Variants in SCAI observed in about 807,000 individuals in gnomAD.
SCAI encodes protein SCAI.
A neutral mutation model predicts 92.2 loss-of-function variants in SCAI; 24 were observed. That is an observed-to-expected ratio of 0.26 (90% CI 0.19 to 0.37). The LOEUF (loss-of-function observed/expected upper bound fraction) is 0.37. Among genes scored for constraint, SCAI ranks in the 10% least tolerant of loss-of-function variants. SCAI has a pLI of 1.00. For missense variants in SCAI, 450 were observed against 736.2 expected, an observed-to-expected ratio of 0.61 and a Z score of 4.50; for synonymous variants, 261 against 258.6, an observed-to-expected ratio of 1.01 and a Z score of -0.09.
rs1411189271 is a variant in SCAI at position 125,115,390 on chromosome 9, A to AAC, written c.98+27242_98+27243insGT. ...CTCCTCAAAAAAAAAAAAAAAAAAA[A>AAC]AAAACTCTTGAAGCACATGTACACC... On this transcript the variant is annotated intron_variant, in intron 2 of 17. Transcript: ENST00000336505. 3.3e-5 allele frequency among the ~76,000 whole-genome samples: 5 copies of AAC among 151,484 alleles called. No individual in the cohort carries two copies. In the East Asian group the frequency reaches 9.7e-4, roughly 29 times the overall value.
At chr9:125,093,130 G>A (rs780310653) in intron 2 of SCAI, among the ~76,000 whole-genome samples, 2 of 152,202 alleles carry the variant, frequency 1.3e-5, no homozygotes, top group Non-Finnish European at 1.5e-5. Context: ...GGAGGCCAAG[G>A]TGGGTGGATC....
chr9:124,978,503 T>C (rs1002401574), intron 14 of SCAI, among the ~76,000 whole-genome samples: 1 of 152,214 alleles, frequency 6.6e-6, no homozygotes, highest in Non-Finnish European at 1.5e-5. Flanking sequence ...TATACACTGT[T>C]GGCAAGAATG....
At position 124,945,570 on chromosome 9, in the gene SCAI, T is replaced by G. The variant is rs1306553775; in HGVS notation, c.*7237A>C. The G allele has an allele frequency of 6.6e-6, 1 of 152,054 alleles. No individual in the cohort carries two copies. Among genetic ancestry groups the G allele is most frequent in the African/African-American group, 2.4e-5 (1 of 41,404 alleles). The allele number at this position is 152,054 out of a possible 1,614,324, so 9.4% of individuals were successfully genotyped here. A position where few individuals can be genotyped will look rare whatever the true frequency, so the allele number is the denominator to read the frequency against. On this transcript the variant is annotated 3_prime_UTR_variant, in exon 18 of 18. Coordinates refer to ENST00000336505, the MANE Select transcript of SCAI (RefSeq NM_001144877.3). ...CTCCATCTCAAAAAAAAAAAAATTA[T>G]TAATTTTTAAAACCACAAAAGAAAT...
intron 14 of SCAI, among the ~76,000 whole-genome samples, chr9:124,992,783 A>C (rs1193511803): frequency 6.6e-6 from 1 of 152,168 alleles, no homozygotes; most frequent in East Asian, 1.9e-4. Flanking sequence ...CAACAACAAA[A>C]GACTTGCTAT....
At chr9:125,109,693 G>T (rs149448600) in intron 2 of SCAI, among the ~76,000 whole-genome samples, 8 of 105,044 alleles carry the variant, frequency 7.6e-5, no homozygotes, top group African/African-American at 2.9e-4. Context: ...ATCTATCTAT[G>T]TATTTATTTT....
chr9:125,114,407 A>C (rs1313239889), intron 2 of SCAI, among the ~76,000 whole-genome samples: 4 of 152,194 alleles, frequency 2.6e-5, no homozygotes, highest in Non-Finnish European at 5.9e-5. Context: ...TTCCTTAAAA[A>C]AAAATTATAC....
chr9:125,007,270 A>G (rs879300549), intron 9 of SCAI, among the ~76,000 whole-genome samples: 2 of 152,258 alleles, frequency 1.3e-5, no homozygotes, highest in African/African-American at 4.8e-5. Context: ...TGTAGTTAGC[A>G]TAACTAGAGA....
At chr9:124,984,350 T>C (rs991859787) in intron 14 of SCAI, among the ~76,000 whole-genome samples, 3 of 152,184 alleles carry the variant, frequency 2.0e-5, no homozygotes, top group African/African-American at 7.2e-5. Flanking sequence ...CTGAGTGAGA[T>C]GACAGGCCAT....
At chr9:125,101,307 C>T (rs1016679367) in intron 2 of SCAI, among the ~76,000 whole-genome samples, 2 of 152,114 alleles carry the variant, frequency 1.3e-5, no homozygotes, top group African/African-American at 4.8e-5. Flanking sequence ...GAGACAAGAA[C>T]GGAAGCAGGG....
chr9:125,066,656 T>C (rs1311906647), intron 2 of SCAI, among the ~76,000 whole-genome samples: 2 of 151,956 alleles, frequency 1.3e-5, no homozygotes, highest in Non-Finnish European at 2.9e-5. Context: ...GGGGTTTCAC[T>C]GTTAGCCAGG....
intron 17 of SCAI, among the ~76,000 whole-genome samples, chr9:124,956,499 G>A (rs866292952): frequency 1.2e-4 from 18 of 152,010 alleles, no homozygotes; most frequent in African/African-American, 3.4e-4. Context: ...GATTACAGGC[G>A]TGAGCCACCG....
At chr9:125,033,561 T>C (rs141992938) in intron 3 of SCAI, among the ~76,000 whole-genome samples, 17 of 152,308 alleles carry the variant, frequency 1.1e-4, no homozygotes, top group Admixed American at 7.2e-4. Context: ...GGTCTTTCTA[T>C]GTAGGTTTAT....
At chr9:125,128,668 G>A (rs1835329607) in intron 2 of SCAI, among the ~76,000 whole-genome samples, 1 of 151,812 alleles carries the variant, frequency 6.6e-6, no homozygotes, top group African/African-American at 2.4e-5. Context: ...CAGGAGAATA[G>A]CATGAACCCA....
At chr9:125,111,098 A>T (rs1042870478) in intron 2 of SCAI, among the ~76,000 whole-genome samples, 3 of 152,202 alleles carry the variant, frequency 2.0e-5, no homozygotes, top group African/African-American at 7.2e-5. Flanking sequence ...TACAAAATAT[A>T]GATGTAAAAA....
intron 2 of SCAI, among the ~76,000 whole-genome samples, chr9:125,127,777 G>A (rs576311018): frequency 2.0e-5 from 3 of 152,288 alleles, no homozygotes; most frequent in South Asian, 2.1e-4. Flanking sequence ...GGAGGCAGAG[G>A]TGGGTGGATC....
At chr9:124,985,204 G>A (rs151134139) in intron 14 of SCAI, among the ~76,000 whole-genome samples, 267 of 152,270 alleles carry the variant, frequency 1.8e-3, no homozygotes, top group Middle Eastern at 0.017. Context: ...AACCAAACTT[G>A]ACACTTCCTC....
chr9:124,958,791 C>T (rs1831372425), intron 17 of SCAI, among the ~76,000 whole-genome samples: 1 of 151,444 alleles, frequency 6.6e-6, no homozygotes, highest in African/African-American at 2.4e-5. Context: ...CCTGTAATAC[C>T]AGCTACTCGG....
chr9:125,121,607 T>C (rs1835156475), intron 2 of SCAI, among the ~76,000 whole-genome samples: 1 of 152,040 alleles, frequency 6.6e-6, no homozygotes, highest in African/African-American at 2.4e-5. Context: ...TCCCAGCACT[T>C]TGAGAGGCCA....
In SCAI at chr9:124,951,077, A is replaced by T. The variant is rs1048586989; in HGVS notation, c.*1730T>A. The stretch of plus-strand genomic sequence containing the variant: ...TGTCTCTTAAAAAAAAAAAAAAAAA[A>T]AAGTAAAATACTCCCCAAGTCCCCA... On this transcript the variant is annotated 3_prime_UTR_variant, in exon 18 of 18. Transcript: ENST00000336505. 1 of 150,518 alleles carries T rather than the reference A, an allele frequency of 6.6e-6. No homozygotes were observed. The highest frequency in any genetic ancestry group is 2.5e-5 in the African/African-American group (1 of 40,278). 9.3% of individuals were successfully genotyped at this position (150,518 alleles called of 1,614,324 possible).
Sources: allele counts gnomAD v4.1 joint callset (sites outside exome capture counted in the v4.1 genomes callset), GRCh38; gene constraint gnomAD v4.1.1; transcripts MANE v1.5; gene names NCBI Gene and HGNC (gene_info 2026-07-23, HGNC 2026-07-21).